The following PRIMPOL variants were observed in gnomAD, a reference collection of about 807,000 sequenced individuals.
The protein encoded by PRIMPOL is primase and DNA directed polymerase.
Under a neutral mutation model 63.6 loss-of-function variants are expected in PRIMPOL, and 54 were observed. The observed-to-expected ratio is 0.85, with a 90% CI of 0.68 to 1.07. The LOEUF (loss-of-function observed/expected upper bound fraction) is 1.07, where lower values mean the gene tolerates loss of function less well. PRIMPOL is among the 50% of genes least tolerant of loss of function. The pLI is 0.00. For missense variants in PRIMPOL, 610 were observed against 648.3 expected (o/e 0.94, Z 0.64); for synonymous variants, 197 against 220.2 (o/e 0.89, Z 0.93).
chr4:184,686,029 T>G (rs1265532957), intron 11 of PRIMPOL, among the ~76,000 whole-genome samples: 2 of 152,214 alleles, frequency 1.3e-5, no homozygotes, highest in Non-Finnish European at 2.9e-5. Flanking sequence ...CTCGAACTCC[T>G]GACCTTGTGA....
At chr4:184,662,793 G>T (rs1748721317) in intron 5 of PRIMPOL, among the ~76,000 whole-genome samples, 2 of 151,706 alleles carry the variant, frequency 1.3e-5, no homozygotes, top group African/African-American at 4.8e-5. Context: ...ACCTCTACAT[G>T]CTTGATTTTA....
chr4:184,657,948 G>A (rs892734071), intron 3 of PRIMPOL, among the ~76,000 whole-genome samples: 10 of 151,784 alleles, frequency 6.6e-5, no homozygotes, highest in Non-Finnish European at 1.0e-4. Context: ...AGCCGAGATC[G>A]CGCCATTGCA....
chr4:184,661,894 A>G lies in PRIMPOL; in HGVS notation c.399A>G (p.Leu133=). ...CTGATGGGAAAAAGATGGTTGCATT[A>G]CTCATTGAGGTAAATGGCCAACTCA... The part of the protein sequence containing the change: ...PGADGKKMVA[L]LIEYVCKALQ... The change falls in exon 5 of 14, where the codon TTA becomes TTG. Residue 133 remains leucine (L), a synonymous_variant. Transcript: ENST00000314970. 6.2e-7 allele frequency: 1 copy of G among 1,611,654 alleles called. No homozygotes were observed. The highest frequency in any genetic ancestry group is 1.1e-5 in the South Asian group (1 of 90,722).
Position 184,682,297 on chromosome 4 carries a change from C to T in PRIMPOL, c.1057C>T (p.Gln353Ter), listed in dbSNP as rs1450275708. The T allele has an allele frequency of 2.5e-6, 4 of 1,604,036 alleles. No homozygotes were observed. The highest frequency in any genetic ancestry group is 3.4e-6 in the Non-Finnish European group (4 of 1,171,810). ...TACATGTGAGCCATCTCAGAATAAA[C>T]AAAAAGGAGTTGGATATTTTAACAG... ...ILTCEPSQNK[Q>*]KGVGYFNSIG... is the part of the protein sequence containing the mutation. The change falls in exon 9 of 14, where the codon CAA becomes TAA. Residue 353 changes from glutamine to a stop codon, truncating the protein, a stop_gained. Coordinates refer to ENST00000314970, the MANE Select transcript of PRIMPOL (RefSeq NM_152683.4). LOFTEE classifies it high-confidence loss of function.
At position 184,661,823 on chromosome 4, in the gene PRIMPOL, A is replaced by G; in HGVS notation, c.328A>G (p.Lys110Glu). 6.2e-7 allele frequency: 1 copy of G among 1,613,760 alleles called. No individual in the cohort carries two copies. Among genetic ancestry groups the G allele is most frequent in the East Asian group, 2.2e-5 (1 of 44,846 alleles). Residue 110 changes from lysine (K) to glutamate (E), a missense_variant, in exon 5 of 14, where the codon AAG becomes GAG. Transcript: ENST00000314970. ...YEVIPENAVC[K>E]LYFDLEFNKP... ...AGTTATTCCTGAAAATGCTGTGTGCAAGCTTTATTTTGATTTGGAATTTAA... is the reference window on the plus strand; with the variant it reads ...AGTTATTCCTGAAAATGCTGTGTGCGAGCTTTATTTTGATTTGGAATTTAA...
rs58898907 is a variant in PRIMPOL at position 184,690,838 on chromosome 4, G to A, written c.1296-661G>A. 7.2e-3 allele frequency among the ~76,000 whole-genome samples: 1,097 copies of A among 152,214 alleles called. 14 individuals are homozygous for A. The highest frequency in any genetic ancestry group is 0.025 in the African/African-American group (1,040 of 41,528). ...ATATGTACACTTCCAGTCCACTCAG[G>A]TCTAAGCGTTTTCTAATTTCCACTA... On this transcript the variant is annotated intron_variant, in intron 11 of 13. Coordinates refer to ENST00000314970, the MANE Select transcript of PRIMPOL (RefSeq NM_152683.4).
intron 13 of PRIMPOL, among the ~76,000 whole-genome samples, chr4:184,692,899 A>G (rs374305697): frequency 2.6e-5 from 4 of 152,190 alleles, no homozygotes; most frequent in African/African-American, 9.7e-5. Flanking sequence ...TAGTATTTCT[A>G]TAATGAAGTG....
rs1201343105 is a variant in PRIMPOL, at chr4:184,691,689, T to C, written c.1402T>C (p.Cys468Arg). ...AGGTTTCCCATTACCTGCTGAAGTA[T>C]GTCTCCTGTTTCTTTTCAAAGAGGT... ...SDCFPLPAEV[C>R]LLFLFKEEEE... Residue 468 changes from cysteine (C) to arginine (R), a missense_variant, in exon 13 of 14, where the codon TGT becomes CGT. Physicochemically the swap from Cys to Arg is radical, Grantham distance 180 (BLOSUM62 -3). This residue lies in a region of PRIMPOL where 444 missense variants were observed against 456.4 expected (regional missense o/e 0.97). Transcript: ENST00000314970. 1.9e-6 allele frequency: 3 copies of C among 1,612,624 alleles called. No individual in the cohort carries two copies.
At chr4:184,650,726 G>T (rs1273640822) in intron 1 of PRIMPOL, among the ~76,000 whole-genome samples, 2 of 152,196 alleles carry the variant, frequency 1.3e-5, no homozygotes, top group Non-Finnish European at 2.9e-5. Flanking sequence ...ACGACATTCT[G>T]CATCAGATTT....
intron 6 of PRIMPOL, among the ~76,000 whole-genome samples, chr4:184,666,547 A>G (rs1475495808): frequency 1.3e-5 from 2 of 152,164 alleles, no homozygotes; most frequent in East Asian, 3.8e-4. Context: ...AGACACATCA[A>G]CCTATTCAGG....
intron 9 of PRIMPOL, among the ~76,000 whole-genome samples, chr4:184,684,583 AGCAGGTCAGCTGAGTGTATTG>A (rs1322775374): frequency 2.0e-5 from 3 of 152,206 alleles, no homozygotes; most frequent in African/African-American, 7.2e-5. Flanking sequence ...ACACACCTGT[AGCAGGTCAGCTGAGTGTATTG>A]CCAGGAAAGC....
chr4:184,687,132 A>G (rs1432323833), intron 11 of PRIMPOL, among the ~76,000 whole-genome samples: 2 of 152,118 alleles, frequency 1.3e-5, no homozygotes, highest in Admixed American at 6.5e-5. Context: ...GTGCAGTGGC[A>G]TGATCTCAGC....
At chr4:184,672,852 TCTC>T (rs959499485) in intron 7 of PRIMPOL, among the ~76,000 whole-genome samples, 1 of 152,036 alleles carries the variant, frequency 6.6e-6, no homozygotes, top group Non-Finnish European at 1.5e-5. Context: ...GCCTGGGTGT[TCTC>T]CTCACCGAAG....
At chr4:184,670,747 C>T (rs1560996685) in intron 6 of PRIMPOL, among the ~76,000 whole-genome samples, 1 of 151,918 alleles carries the variant, frequency 6.6e-6, no homozygotes, top group Admixed American at 6.6e-5. Context: ...GCGGTTTCAC[C>T]ATGTTGGCCA....
At chr4:184,671,962 G>A (rs111237777) in intron 6 of PRIMPOL, among the ~76,000 whole-genome samples, 124 of 151,866 alleles carry the variant, frequency 8.2e-4, no homozygotes, top group Non-Finnish European at 1.2e-3. Flanking sequence ...GGATGGTCTC[G>A]ATCTCCCGAC....
chr4:184,676,338 T>C, intron 7 of PRIMPOL, among the ~76,000 whole-genome samples: 1 of 100,168 alleles, frequency 1.0e-5, no homozygotes, highest in African/African-American at 3.5e-5. Flanking sequence ...TCCCTTCCCT[T>C]CCTTTCTCCT....
chr4:184,664,659 A>G (rs1026731955), intron 5 of PRIMPOL, among the ~76,000 whole-genome samples: 4 of 152,198 alleles, frequency 2.6e-5, no homozygotes, highest in South Asian at 4.1e-4. Context: ...CTCACGTCCC[A>G]TTGGCCAGAC....
chr4:184,685,334 T>G, intron 9 of PRIMPOL, 75 bp from the exon 10 acceptor site: 1 of 1,102,092 alleles, frequency 9.1e-7, no homozygotes, highest in Non-Finnish European at 1.4e-6. Context: ...GTAATTGTGC[T>G]CAACAACATT....
intron 8 of PRIMPOL, 64 bp downstream of exon 8, chr4:184,678,458 T>C: frequency 1.7e-6 from 2 of 1,144,404 alleles, no homozygotes; most frequent in Non-Finnish European, 2.5e-6. Context: ...TGAATGGCAT[T>C]GTATATTACT....
Sources: gnomAD v4.1 joint callset for allele counts (sites outside exome capture counted in the v4.1 genomes callset) on GRCh38, gnomAD v4.1.1 for gene constraint, gnomAD v4.1.1 regional missense constraint, MANE v1.5 for transcripts, NCBI Gene and HGNC (gene_info 2026-07-23, HGNC 2026-07-21) for gene names.